Variants in GNG4 observed in about 807,000 individuals in gnomAD.
GNG4 encodes the protein G protein subunit gamma 4.
A neutral mutation model predicts 5.8 loss-of-function variants in GNG4; 4 were observed. The ratio of observed to expected loss-of-function variants is 0.69; its 90% confidence interval spans 0.34 to 1.57. The LOEUF (loss-of-function observed/expected upper bound fraction) is 1.57. Ranked by LOEUF, GNG4 falls within the 40% of genes most tolerant of loss-of-function variation. GNG4 has a pLI of 0.06. For synonymous variants in GNG4, 29 were observed against 32.9 expected (o/e 0.88, Z 0.41); for missense variants, 96 against 95.1 (o/e 1.01, Z -0.04).
intron 1 of GNG4, among the ~76,000 whole-genome samples, chr1:235,599,155 G>A (rs936094847): frequency 4.6e-5 from 7 of 152,196 alleles, no homozygotes; most frequent in African/African-American, 1.4e-4. Context: ...CAACAGGACT[G>A]GCTGGGACCT....
intron 3 of GNG4, among the ~76,000 whole-genome samples, chr1:235,567,659 G>A (rs1687232990): frequency 6.6e-6 from 1 of 152,146 alleles, no homozygotes; most frequent in South Asian, 2.1e-4. Context: ...GTTTAAGGCT[G>A]AATAATTTTC....
intron 3 of GNG4, among the ~76,000 whole-genome samples, chr1:235,583,286 T>G (rs1356390355): frequency 1.3e-5 from 2 of 152,114 alleles, no homozygotes; most frequent in Non-Finnish European, 2.9e-5. Context: ...ACGGGAGGTG[T>G]CTGGAACCTT....
chr1:235,644,305 C>T lies in GNG4; in HGVS notation c.-123+5357G>A, dbSNP rs1002627644. Among the ~76,000 whole-genome samples, 2 of 152,216 alleles carry T rather than the reference C, an allele frequency of 1.3e-5. No homozygotes were observed. Among genetic ancestry groups the T allele is most frequent in the Non-Finnish European group, 1.5e-5 (1 of 68,038 alleles). ...CCTGTTCCAGAGAGAATTCAGTGGC[C>T]GGCAACACTGCCAGTTCCCCTTTAT... On this transcript the variant is annotated intron_variant, in intron 1 of 3. Coordinates refer to ENST00000391854, the MANE Select transcript of GNG4 (RefSeq NM_001098722.2). The surrounding 1 kb of genome is among the most constrained non-coding windows in gnomAD (Gnocchi z 5.9).
chr1:235,591,929 C>T (rs1247445570), intron 2 of GNG4, among the ~76,000 whole-genome samples: 1 of 152,220 alleles, frequency 6.6e-6, no homozygotes, highest in East Asian at 1.9e-4. Flanking sequence ...AAAGGAAAAT[C>T]TTGAGTTCCT....
intron 3 of GNG4, among the ~76,000 whole-genome samples, chr1:235,578,425 A>G (rs1687537929): frequency 6.6e-6 from 1 of 152,246 alleles, no homozygotes; most frequent in East Asian, 1.9e-4. Context: ...ACTACTAGGT[A>G]TATAACCCGA....
Position 235,642,933 on chromosome 1 carries a change from C to T in GNG4, c.-123+6729G>A, listed in dbSNP as rs1200679425. On this transcript the variant is annotated intron_variant, in intron 1 of 3. Transcript: ENST00000391854. This position sits in a 1 kb window ranked among gnomAD's most constrained non-coding sequence, Gnocchi z 4.3. The stretch of plus-strand genomic sequence containing the variant: ...TCATTCACAAAACCAGGTCACATTA[C>T]CCCTCGTCCATCCATGCTCAGTCTG... 6.6e-6 allele frequency among the ~76,000 whole-genome samples: 1 copy of T among 152,124 alleles called. No individual in the cohort carries two copies. The highest frequency in any genetic ancestry group is 6.5e-5 in the Admixed American group (1 of 15,280).
At chr1:235,558,382 A>G (rs983633778) in intron 3 of GNG4, among the ~76,000 whole-genome samples, 2 of 152,216 alleles carry the variant, frequency 1.3e-5, no homozygotes, top group African/African-American at 4.8e-5. Context: ...TATAACCTTT[A>G]TAACCAAAGT....
At chr1:235,555,591 A>G (rs1426856266) in intron 3 of GNG4, among the ~76,000 whole-genome samples, 1 of 151,556 alleles carries the variant, frequency 6.6e-6, no homozygotes, top group Non-Finnish European at 1.5e-5. Context: ...AGGCAGGGAC[A>G]TCGCTTGAGT....
At chr1:235,622,824 G>A (rs975507224) in intron 1 of GNG4, among the ~76,000 whole-genome samples, 14 of 133,384 alleles carry the variant, frequency 1.0e-4, no homozygotes, top group African/African-American at 3.6e-4. Flanking sequence ...GCAGTGAGCC[G>A]AGATTGCACC....
At chr1:235,622,965 G>A (rs1041455235) in intron 1 of GNG4, among the ~76,000 whole-genome samples, 1 of 151,412 alleles carries the variant, frequency 6.6e-6, no homozygotes, top group South Asian at 2.1e-4. Flanking sequence ...GCTTGAACCC[G>A]GGAAGCAGAG....
rs985572373 is a variant in GNG4 at position 235,649,280 on chromosome 1, G to T, written c.-123+382C>A. On this transcript the variant is annotated intron_variant, in intron 1 of 3. Coordinates refer to ENST00000391854, the MANE Select transcript of GNG4 (RefSeq NM_001098722.2). This position sits in a 1 kb window ranked among gnomAD's most constrained non-coding sequence, Gnocchi z 5.7. ...TCCTGCCACTGAGGTCCTTTTCCAC[G>T]GGGGACGTCCCCGCTGGGAAAACAG... is the stretch of plus-strand genomic sequence containing the variant. Among the ~76,000 whole-genome samples the T allele has an allele frequency of 6.6e-6, 1 of 152,176 alleles. No homozygotes were observed. The highest frequency in any genetic ancestry group is 1.5e-5 in the Non-Finnish European group (1 of 68,016).
chr1:235,585,454 T>A (rs1333236182), intron 2 of GNG4, among the ~76,000 whole-genome samples: 3 of 152,250 alleles, frequency 2.0e-5, no homozygotes, highest in African/African-American at 7.2e-5. Context: ...CCTGTGTTTA[T>A]TTTCTTAGAA....
At chr1:235,576,058 T>C (rs974385784) in intron 3 of GNG4, among the ~76,000 whole-genome samples, 2 of 126,188 alleles carry the variant, frequency 1.6e-5, no homozygotes, top group South Asian at 2.4e-4. Context: ...GTCATATATG[T>C]ACTTTTTTTT....
intron 2 of GNG4, among the ~76,000 whole-genome samples, chr1:235,585,611 C>A (rs530268533): frequency 1.2e-3 from 179 of 152,252 alleles, no homozygotes; most frequent in Middle Eastern, 0.01. Context: ...CAAAAAAGAT[C>A]ATACTCATTC....
chr1:235,575,848 C>T (rs1687470658), intron 3 of GNG4, among the ~76,000 whole-genome samples: 1 of 152,128 alleles, frequency 6.6e-6, no homozygotes, highest in South Asian at 2.1e-4. Context: ...GCGTGGAACC[C>T]GCCTGAGAGC....
intron 1 of GNG4, among the ~76,000 whole-genome samples, chr1:235,645,878 T>C (rs1657498354): frequency 6.6e-6 from 1 of 151,190 alleles, no homozygotes; most frequent in Non-Finnish European, 1.5e-5. Flanking sequence ...TCGCCCTGCC[T>C]CTCTTTCTTT....
At chr1:235,600,111 T>TTTTTTTTTTG (rs1439517905) in intron 1 of GNG4, among the ~76,000 whole-genome samples, 1 of 126,860 alleles carries the variant, frequency 7.9e-6, no homozygotes, top group African/African-American at 3.1e-5. Context: ...TTTTTTTTTT[T>TTTTTTTTTTG]TTTTTTTTTT....
At chr1:235,633,943 G>C (rs1386895489) in intron 1 of GNG4, among the ~76,000 whole-genome samples, 3 of 152,208 alleles carry the variant, frequency 2.0e-5, no homozygotes, top group African/African-American at 7.2e-5. Flanking sequence ...AGGATAAAAA[G>C]ACGAGAATCC....
intron 3 of GNG4, among the ~76,000 whole-genome samples, chr1:235,562,122 C>A (rs923098935): frequency 3.9e-5 from 6 of 152,160 alleles, no homozygotes; most frequent in Non-Finnish European, 8.8e-5. Flanking sequence ...GCTATATTTA[C>A]ATGGGTCTAT....
Sources: gnomAD v4.1 joint callset for allele counts (sites outside exome capture counted in the v4.1 genomes callset) on GRCh38, gnomAD v4.1.1 for gene constraint, Gnocchi (gnomAD v3.1) non-coding constraint, MANE v1.5 for transcripts, NCBI Gene and HGNC (gene_info 2026-07-23, HGNC 2026-07-21) for gene names.